The following MZT2B variants were observed in gnomAD, a reference collection of about 807,000 sequenced individuals.
MZT2B encodes the protein mitotic-spindle organizing protein 2B.
Under a neutral mutation model 12.1 loss-of-function variants are expected in MZT2B, and 11 were observed. The observed-to-expected ratio is 0.91, with a 90% CI of 0.57 to 1.50. MZT2B has a LOEUF of 1.50. Ranked by LOEUF, MZT2B falls within the 40% of genes most tolerant of loss-of-function variation. The pLI is 0.00. For synonymous variants in MZT2B, 85 were observed against 109.5 expected, an observed-to-expected ratio of 0.78 and a Z score of 1.40; for missense variants, 209 against 227.7, an observed-to-expected ratio of 0.92 and a Z score of 0.53.
At chr2:130,198,526 G>T in the MZT2B span, 1 of 836,616 alleles carries the variant, frequency 1.2e-6, no homozygotes. Context: ...GCCGAGGGCC[G>T]GATCCCAGTT....
At chr2:130,181,687 C>G (rs780737667), upstream of MZT2B, 48 of 1,548,368 alleles carry the variant, frequency 3.1e-5, no homozygotes, top group Admixed American at 5.9e-5. Flanking sequence ...GGCGCGTGCG[C>G]AAAGCGAAGG....
At chr2:130,193,819 G>C, downstream of MZT2B, 1 of 1,613,204 alleles carries the variant, frequency 6.2e-7, no homozygotes, top group Non-Finnish European at 8.5e-7. Flanking sequence ...CCACAAACTG[G>C]ATAGTGCGCT....
At chr2:130,184,625 G>A (rs1689986329) in intron 2 of MZT2B, 1 of 985,426 alleles carries the variant, frequency 1.0e-6, no homozygotes, top group Non-Finnish European at 1.2e-6. Context: ...CCAAGGGAGG[G>A]TGGAGAGGGG....
At chr2:130,193,539 G>A (rs2104749188), downstream of MZT2B, among the ~76,000 whole-genome samples, 1 of 151,136 alleles carries the variant, frequency 6.6e-6, no homozygotes, top group Middle Eastern at 3.4e-3. Flanking sequence ...AACCCGGGAG[G>A]CAGAGGTTGC....
At chr2:130,197,748 A>T in the MZT2B span, among the ~76,000 whole-genome samples, 1 of 122,920 alleles carries the variant, frequency 8.1e-6, no homozygotes, top group African/African-American at 2.8e-5. Flanking sequence ...CTGGAACCAC[A>T]GACTCGCATC....
downstream of MZT2B, chr2:130,192,033 A>G (rs1302256904): frequency 6.2e-6 from 10 of 1,614,006 alleles, no homozygotes; most frequent in South Asian, 2.2e-5. Flanking sequence ...GGCCTCCGCA[A>G]TGGCCGTGGT....
intron 2 of MZT2B, chr2:130,183,987 T>G (rs1689945021): frequency 6.5e-7 from 1 of 1,550,380 alleles, no homozygotes; most frequent in African/African-American, 1.4e-5. Flanking sequence ...TTGGCTTATC[T>G]CTGGGGGTTG....
At chr2:130,183,429 C>T in intron 2 of MZT2B, 1 of 399,830 alleles carries the variant, frequency 2.5e-6, no homozygotes, top group African/African-American at 2.0e-5. Flanking sequence ...GGGCCTCCTC[C>T]CTCTCCAGTG....
At chr2:130,194,466 C>A, downstream of MZT2B, 1 of 1,539,328 alleles carries the variant, frequency 6.5e-7, no homozygotes, top group African/African-American at 1.4e-5. Flanking sequence ...CACAGATCCG[C>A]CTGAGAGAAA....
intron 2 of MZT2B, among the ~76,000 whole-genome samples, chr2:130,189,494 T>C (rs1289903955): frequency 2.0e-5 from 3 of 152,048 alleles, no homozygotes; most frequent in African/African-American, 7.2e-5. Flanking sequence ...GACCCAACAC[T>C]GAGTCAGGCA....
chr2:130,181,940 G>C, upstream of MZT2B: 1 of 1,436,710 alleles, frequency 7.0e-7, no homozygotes, highest in Admixed American at 2.2e-5. Context: ...TCTTGAAAGA[G>C]GCATTTACCG....
intron 2 of MZT2B, among the ~76,000 whole-genome samples, chr2:130,187,227 G>C (rs1232788711): frequency 6.6e-6 from 1 of 151,722 alleles, no homozygotes; most frequent in African/African-American, 2.4e-5. Flanking sequence ...GTCTTGTTCT[G>C]TCACCCAGGC....
intron 2 of MZT2B, 37 bp downstream of exon 2, chr2:130,182,812 G>C: frequency 7.3e-7 from 1 of 1,360,714 alleles, no homozygotes; most frequent in Non-Finnish European, 9.8e-7. Context: ...CCCAGTGGCG[G>C]GGGTGGCGGG....
chr2:130,202,560 CA>C, the MZT2B span: 2 of 920,386 alleles, frequency 2.2e-6, no homozygotes, highest in Non-Finnish European at 2.8e-6. Flanking sequence ...GTCCCTGCTG[CA>C]AGCAGGACAA....
At chr2:130,202,430 C>T in the MZT2B span, 2 of 1,290,134 alleles carry the variant, frequency 1.6e-6, no homozygotes, top group African/African-American at 3.0e-5. Flanking sequence ...AGAAGGAGGA[C>T]ATGCACAAGG....
chr2:130,192,162 C>T, downstream of MZT2B: 1 of 1,569,088 alleles, frequency 6.4e-7, no homozygotes, highest in Non-Finnish European at 8.6e-7. Context: ...GTCCGTGAAG[C>T]TTATATCAAA....
intron 2 of MZT2B, among the ~76,000 whole-genome samples, chr2:130,189,798 AGTGGT>A (rs1445445254): frequency 2.2e-4 from 34 of 152,224 alleles, no homozygotes; most frequent in Non-Finnish European, 4.4e-5. Context: ...ACTCTGAACC[AGTGGT>A]CTTCATCCAA....
chr2:130,188,513 C>A (rs1690144796), intron 2 of MZT2B, among the ~76,000 whole-genome samples: 1 of 152,206 alleles, frequency 6.6e-6, no homozygotes, highest in Non-Finnish European at 1.5e-5. Flanking sequence ...CGAGTCACTG[C>A]TGGGCTGAGG....
At chr2:130,182,187 C>T (rs936442265), upstream of MZT2B, 7 of 1,256,584 alleles carry the variant, frequency 5.6e-6, no homozygotes, top group Non-Finnish European at 6.0e-6. Context: ...CAGGGCAGCC[C>T]GGGAGGCCAG....
Sources: gnomAD v4.1 joint callset for allele counts (sites outside exome capture counted in the v4.1 genomes callset) on GRCh38, gnomAD v4.1.1 for gene constraint, MANE v1.5 for transcripts, NCBI Gene and HGNC (gene_info 2026-07-23, HGNC 2026-07-21) for gene names.